The following HHLA2 variants were observed in gnomAD, a reference collection of about 807,000 sequenced individuals.
HHLA2 encodes HHLA2 member of B7 family.
In HHLA2, 48 loss-of-function variants were observed where a neutral mutation model predicts 45.9. That is an observed-to-expected ratio of 1.05 (90% CI 0.83 to 1.33). The LOEUF is 1.33. HHLA2 is among the 40% of genes most tolerant of loss of function. The pLI is 0.00. For synonymous variants in HHLA2, 161 were observed against 173.9 expected, an observed-to-expected ratio of 0.93 and a Z score of 0.59; for missense variants, 462 against 494.3, an observed-to-expected ratio of 0.93 and a Z score of 0.62.
At chr3:108,373,191 C>A (rs530357363) in intron 8 of HHLA2, among the ~76,000 whole-genome samples, 14 of 152,078 alleles carry the variant, frequency 9.2e-5, no homozygotes, top group Non-Finnish European at 1.9e-4. Context: ...AATCAATAAA[C>A]GTAATCCAGC....
intron 3 of HHLA2, among the ~76,000 whole-genome samples, chr3:108,342,771 T>G (rs1474858675): frequency 6.6e-6 from 1 of 152,196 alleles, no homozygotes; most frequent in Non-Finnish European, 1.5e-5. Context: ...GCTGCATCTT[T>G]GTTCTATTGT....
At chr3:108,332,009 T>C (rs2081394609) in intron 3 of HHLA2, among the ~76,000 whole-genome samples, 1 of 152,144 alleles carries the variant, frequency 6.6e-6, no homozygotes, top group South Asian at 2.1e-4. Flanking sequence ...AGTTGACAGA[T>C]TTCATGAAAG....
chr3:108,370,418 G>A lies in HHLA2; in HGVS notation c.1109-5332G>A, dbSNP rs532754901. Among the ~76,000 whole-genome samples the A allele has an allele frequency of 1.9e-3, 289 of 152,230 alleles. 2 individuals are homozygous for A. Among genetic ancestry groups the A allele is most frequent in the African/African-American group, 6.5e-3 (268 of 41,542 alleles). On this transcript the variant is annotated intron_variant, in intron 8 of 10. Transcript: ENST00000619531. ...AACTGGAAACTCTAAAAATCAGAGC[G>A]CCTCTCCTCCTCCAAAGGAACGCAG...
intron 8 of HHLA2, among the ~76,000 whole-genome samples, chr3:108,370,125 C>T (rs578054221): frequency 7.2e-5 from 11 of 152,264 alleles, no homozygotes; most frequent in South Asian, 2.1e-4. Context: ...TCCAGAGGAA[C>T]GATCAGGCAG....
intron 8 of HHLA2, among the ~76,000 whole-genome samples, chr3:108,363,315 T>C (rs1157137145): frequency 2.0e-5 from 3 of 152,172 alleles, no homozygotes; most frequent in African/African-American, 4.8e-5. Flanking sequence ...GTGGATCATT[T>C]AATATCACCA....
At chr3:108,369,945 G>A (rs1018151737) in intron 8 of HHLA2, among the ~76,000 whole-genome samples, 4 of 152,232 alleles carry the variant, frequency 2.6e-5, no homozygotes, top group Admixed American at 2.6e-4. Context: ...GTCCCTGTCT[G>A]ACAGCTTTGA....
At chr3:108,307,480 A>G (rs2080949054) in intron 1 of HHLA2, among the ~76,000 whole-genome samples, 1 of 152,034 alleles carries the variant, frequency 6.6e-6, no homozygotes, top group African/African-American at 2.4e-5. Context: ...CTAAAAATAC[A>G]AAAATTAGCC....
At chr3:108,339,315 G>A (rs1294574377) in intron 3 of HHLA2, among the ~76,000 whole-genome samples, 1 of 152,130 alleles carries the variant, frequency 6.6e-6, no homozygotes, top group Admixed American at 6.5e-5. Flanking sequence ...TTGTTCTCAG[G>A]GGAATCACCC....
chr3:108,362,317 CTT>C, intron 7 of HHLA2, 23 bp from the exon 7 acceptor site: 1 of 1,556,542 alleles, frequency 6.4e-7, no homozygotes, highest in Non-Finnish European at 8.8e-7. Context: ...AGTTCACAGA[CTT>C]TGTTTCTCCT....
chr3:108,368,696 T>C (rs965793504), intron 8 of HHLA2, among the ~76,000 whole-genome samples: 1 of 152,014 alleles, frequency 6.6e-6, no homozygotes, highest in East Asian at 1.9e-4. Flanking sequence ...CCTAAATATA[T>C]ATGCACCCAA....
chr3:108,347,678 A>G (rs532025139), intron 3 of HHLA2, among the ~76,000 whole-genome samples: 4 of 152,280 alleles, frequency 2.6e-5, no homozygotes, highest in Admixed American at 2.6e-4. Context: ...CCGAATGCGT[A>G]TTTGTAGATA....
intron 2 of HHLA2, among the ~76,000 whole-genome samples, chr3:108,311,081 T>G (rs2081010765): frequency 6.6e-6 from 1 of 152,316 alleles, no homozygotes; most frequent in East Asian, 1.9e-4. Context: ...GCATATGTAC[T>G]TAGGAAATTG....
At chr3:108,317,022 G>T (rs1418870190) in intron 2 of HHLA2, among the ~76,000 whole-genome samples, 1 of 152,192 alleles carries the variant, frequency 6.6e-6, no homozygotes, top group Non-Finnish European at 1.5e-5. Context: ...CATGGCTGTT[G>T]TGGACAGTTA....
intron 10 of HHLA2, 64 bp from the exon 10 acceptor site, chr3:108,377,194 A>T: frequency 9.1e-7 from 1 of 1,103,208 alleles, no homozygotes; most frequent in Non-Finnish European, 1.4e-6. Flanking sequence ...ATAAATATTT[A>T]AGATATAAAT....
intron 2 of HHLA2, among the ~76,000 whole-genome samples, chr3:108,319,140 T>C (rs1310238404): frequency 1.3e-5 from 2 of 152,166 alleles, no homozygotes; most frequent in Non-Finnish European, 2.9e-5. Flanking sequence ...ATGAGATAGT[T>C]CAGAATATGA....
chr3:108,296,596 T>A (rs1001316925), exon 1 of HHLA2: 1 of 152,238 alleles, frequency 6.6e-6, no homozygotes, highest in Non-Finnish European at 1.5e-5. Flanking sequence ...AATTTCTAAG[T>A]AAGGTAAGGA....
chr3:108,336,276 G>T (rs913484031), intron 3 of HHLA2, among the ~76,000 whole-genome samples: 1 of 152,164 alleles, frequency 6.6e-6, no homozygotes, highest in South Asian at 2.1e-4. Context: ...TCCATCTGAT[G>T]ATGTAGCTAC....
At chr3:108,313,207 GT>G (rs1293795510) in intron 2 of HHLA2, among the ~76,000 whole-genome samples, 4 of 152,164 alleles carry the variant, frequency 2.6e-5, no homozygotes, top group Non-Finnish European at 5.9e-5. Flanking sequence ...TATAAAGACA[GT>G]TTTTCTCAGG....
chr3:108,375,744 C>T lies in HHLA2; in HGVS notation c.1109-6C>T. The T allele has an allele frequency of 6.2e-7, 1 of 1,610,226 alleles. No individual in the cohort carries two copies. Among genetic ancestry groups the T allele is most frequent in the Non-Finnish European group, 8.5e-7 (1 of 1,177,546 alleles). On this transcript the variant is annotated splice_polypyrimidine_tract_variant and splice_region_variant and intron_variant, in intron 8 of 10. Transcript: ENST00000619531. ...AATTTCACTCTTCCCTGTCTCTGAT[C>T]TACAGCCCAGCTAGAAGCCAGGAGG...
Sources: gnomAD v4.1 joint callset for allele counts (sites outside exome capture counted in the v4.1 genomes callset) on GRCh38, gnomAD v4.1.1 for gene constraint, MANE v1.5 for transcripts, NCBI Gene and HGNC (gene_info 2026-07-23, HGNC 2026-07-21) for gene names.